Variants in PRKAG2 observed in about 807,000 individuals in gnomAD.
PRKAG2 encodes protein kinase AMP-activated non-catalytic subunit gamma 2, also known as 5'-AMP-activated protein kinase subunit gamma-2.
In PRKAG2, 26 loss-of-function variants were observed where a neutral mutation model predicts 69.6. The observed-to-expected ratio is 0.37, with a 90% confidence interval of 0.27 to 0.52. PRKAG2 has a LOEUF of 0.52. Among genes scored for constraint, PRKAG2 ranks in the 20% least tolerant of loss-of-function variants. The probability of loss-of-function intolerance (pLI) is 0.90; values close to 1 mark genes in which losing one functional copy is unlikely to be tolerated. For missense variants in PRKAG2, 557 were observed against 740.0 expected, an observed-to-expected ratio of 0.75 and a Z score of 2.87; for synonymous variants, 293 against 285.0, an observed-to-expected ratio of 1.03 and a Z score of -0.28.
chr7:151,825,538 C>T (rs186217314), intron 1 of PRKAG2, among the ~76,000 whole-genome samples: 57 of 152,328 alleles, frequency 3.7e-4, no homozygotes, highest in African/African-American at 1.3e-3. Flanking sequence ...TCCCCATGCA[C>T]CTGGCACCCT....
intron 5 of PRKAG2, among the ~76,000 whole-genome samples, chr7:151,602,739 G>C (rs933170484): frequency 1.3e-5 from 2 of 152,128 alleles, no homozygotes; most frequent in African/African-American, 4.8e-5. Flanking sequence ...ATCCCCACGT[G>C]CCAAGGGCAG....
At chr7:151,687,383 C>T (rs913610181) in intron 3 of PRKAG2, among the ~76,000 whole-genome samples, 1 of 152,222 alleles carries the variant, frequency 6.6e-6, no homozygotes, top group African/African-American at 2.4e-5. Flanking sequence ...GAGAGAAATT[C>T]TGCCACAGAA....
intron 1 of PRKAG2, among the ~76,000 whole-genome samples, chr7:151,827,854 C>T (rs1204313659): frequency 1.3e-5 from 2 of 150,916 alleles, no homozygotes; most frequent in African/African-American, 2.4e-5. Context: ...AGGAGGACCA[C>T]GTGGCCTCCG....
chr7:151,699,983 G>A lies in PRKAG2; in HGVS notation c.467-24346C>T, dbSNP rs1837403859. On this transcript the variant is annotated intron_variant, in intron 3 of 15. Coordinates refer to ENST00000287878, the MANE Select transcript of PRKAG2 (RefSeq NM_016203.4). The surrounding 1 kb of genome is among the most constrained non-coding windows in gnomAD (Gnocchi z 4.5). ...GAAACAGCCTCAACAGGAGCCTTGT[G>A]TACCTGCCAACATTTTGCTGCATAC... is the stretch of plus-strand genomic sequence containing the variant. Among the ~76,000 whole-genome samples the A allele has an allele frequency of 6.6e-6, 1 of 152,182 alleles. No individual in the cohort carries two copies. Among genetic ancestry groups the A allele is most frequent in the Admixed American group, 6.5e-5 (1 of 15,276 alleles).
intron 4 of PRKAG2, among the ~76,000 whole-genome samples, chr7:151,657,304 C>T (rs1213537915): frequency 6.6e-6 from 1 of 152,182 alleles, no homozygotes; most frequent in Non-Finnish European, 1.5e-5. Flanking sequence ...TTGCACCTTT[C>T]CTCTCTCGGT....
At chr7:151,706,688 G>C (rs930526051) in intron 3 of PRKAG2, among the ~76,000 whole-genome samples, 1 of 152,274 alleles carries the variant, frequency 6.6e-6, no homozygotes, top group Middle Eastern at 3.2e-3. Flanking sequence ...TCAAAGGAAA[G>C]ATGCAAACCC....
intron 1 of PRKAG2, among the ~76,000 whole-genome samples, chr7:151,867,896 A>G (rs1046619595): frequency 6.6e-6 from 1 of 152,114 alleles, no homozygotes; most frequent in African/African-American, 2.4e-5. Flanking sequence ...TCCCCTCCCC[A>G]GCACAGTGGA....
intron 3 of PRKAG2, among the ~76,000 whole-genome samples, chr7:151,770,701 T>C (rs371746437): frequency 1.3e-5 from 2 of 152,214 alleles, no homozygotes; most frequent in African/African-American, 2.4e-5. Context: ...TTGATTCTTA[T>C]GGAGTGACCT....
chr7:151,822,255 G>A (rs976449818), intron 1 of PRKAG2, among the ~76,000 whole-genome samples: 6 of 151,980 alleles, frequency 3.9e-5, no homozygotes, highest in African/African-American at 9.7e-5. Flanking sequence ...AGGAGGCCTC[G>A]AGCCCAGGAA....
intron 3 of PRKAG2, among the ~76,000 whole-genome samples, chr7:151,689,760 G>A (rs544752920): frequency 5.3e-5 from 8 of 152,252 alleles, no homozygotes; most frequent in South Asian, 2.1e-4. Context: ...ATCATCTGAC[G>A]CCACCCCGGC....
intron 5 of PRKAG2, among the ~76,000 whole-genome samples, chr7:151,599,949 T>C (rs1815642101): frequency 6.6e-6 from 1 of 152,216 alleles, no homozygotes; most frequent in African/African-American, 2.4e-5. Context: ...ATCAGTGCTC[T>C]GCTGTCTCTT....
chr7:151,562,954 C>CA (rs35394134), intron 14 of PRKAG2, among the ~76,000 whole-genome samples: 8,116 of 113,276 alleles, frequency 0.072, 356 homozygotes, highest in Middle Eastern at 0.13. Context: ...GACTCCGTCT[C>CA]AAAAAAAAAA....
chr7:151,860,226 G>A (rs1008109470), intron 1 of PRKAG2, among the ~76,000 whole-genome samples: 1 of 152,232 alleles, frequency 6.6e-6, no homozygotes. Context: ...CCTCCTGCTG[G>A]AGGCAGGGCA....
chr7:151,720,608 C>T (rs1363430136), intron 3 of PRKAG2, among the ~76,000 whole-genome samples: 1 of 135,888 alleles, frequency 7.4e-6, no homozygotes, highest in Non-Finnish European at 1.5e-5. Flanking sequence ...AGAGCCCGTC[C>T]AGATGAGCAG....
intron 1 of PRKAG2, among the ~76,000 whole-genome samples, chr7:151,832,244 GA>G (rs1170073014): frequency 4.2e-5 from 1 of 23,646 alleles, no homozygotes; most frequent in African/African-American, 1.1e-4. Flanking sequence ...GAGGAGGAGG[GA>G]AGGAAGGGAG....
At chr7:151,701,118 C>A (rs569802386) in intron 3 of PRKAG2, among the ~76,000 whole-genome samples, 3 of 152,314 alleles carry the variant, frequency 2.0e-5, no homozygotes, top group East Asian at 3.9e-4. Context: ...GGCTGCCCCC[C>A]AGGGAAGCCC....
At chr7:151,770,342 G>T (rs530427114) in intron 3 of PRKAG2, among the ~76,000 whole-genome samples, 1 of 152,176 alleles carries the variant, frequency 6.6e-6, no homozygotes, top group African/African-American at 2.4e-5. Flanking sequence ...CCACCCCAGC[G>T]TGAACATGGA....
intron 3 of PRKAG2, among the ~76,000 whole-genome samples, chr7:151,690,931 T>C (rs1194092966): frequency 1.3e-5 from 2 of 152,240 alleles, no homozygotes; most frequent in African/African-American, 4.8e-5. Context: ...TGGTGCACTG[T>C]CCCAGCTCAA....
chr7:151,652,241 A>T (rs1488971481), intron 4 of PRKAG2, among the ~76,000 whole-genome samples: 5 of 151,830 alleles, frequency 3.3e-5, no homozygotes, highest in Non-Finnish European at 7.4e-5. Context: ...AAACCAATAC[A>T]CTCCTCTCTT....
Sources: allele counts gnomAD v4.1 joint callset (sites outside exome capture counted in the v4.1 genomes callset), GRCh38; gene constraint gnomAD v4.1.1; non-coding constraint Gnocchi (gnomAD v3.1); transcripts MANE v1.5; gene names NCBI Gene and HGNC (gene_info 2026-07-23, HGNC 2026-07-21).